The following STRN4 variants were observed in gnomAD, a reference collection of about 807,000 sequenced individuals.
STRN4 encodes striatin-4.
In STRN4, 27 loss-of-function variants were observed where a neutral mutation model predicts 77.9. That is an observed-to-expected ratio of 0.35 (90% CI 0.26 to 0.48). STRN4 has a LOEUF of 0.48. Ranked by LOEUF, STRN4 falls within the 20% of genes least tolerant of loss-of-function variation. STRN4 has a pLI of 0.99. For missense variants in STRN4, 798 were observed against 1,049.7 expected (o/e 0.76, Z 3.31); for synonymous variants, 466 against 443.1 (o/e 1.05, Z -0.65).
At chr19:46,722,626 C>T (rs2054007250) in intron 14 of STRN4, among the ~76,000 whole-genome samples, 184 bp downstream of exon 14, 2 of 152,244 alleles carry the variant, frequency 1.3e-5, no homozygotes, top group South Asian at 2.1e-4. Context: ...CACTCAGCCC[C>T]GCCAGTGCCC....
intron 4 of STRN4, among the ~76,000 whole-genome samples, chr19:46,735,426 C>G (rs1180416602): frequency 1.3e-5 from 2 of 151,888 alleles, no homozygotes; most frequent in Non-Finnish European, 2.9e-5. Context: ...GAGCTCAGAT[C>G]AAGCCTGCTG....
Position 46,738,090 on chromosome 19 carries a change from C to T in STRN4, c.460+74G>A. ...GGAGCAAAGTGAGAAAGAGGCACCC[C>T]ATCTTCCTGCTTCTCCAGAACACTC... On this transcript the variant is annotated intron_variant, in intron 3 of 17. Transcript: ENST00000263280. This position sits in a 1 kb window ranked among gnomAD's most constrained non-coding sequence, Gnocchi z 4.5. 1 of 1,449,356 alleles carries T rather than the reference C, an allele frequency of 6.9e-7. No homozygotes were observed. Among genetic ancestry groups the T allele is most frequent in the South Asian group, 1.1e-5 (1 of 87,684 alleles). The allele number at this position is 1,449,356 out of a possible 1,614,324, so 89.8% of individuals were successfully genotyped here.
At chr19:46,739,041 T>C (rs931061970) in intron 1 of STRN4, among the ~76,000 whole-genome samples, 153 bp from the exon 2 acceptor site, 22 of 152,110 alleles carry the variant, frequency 1.4e-4, no homozygotes, top group African/African-American at 5.1e-4. Context: ...CAAGCCAGGG[T>C]TCAGGGAGCA....
intron 5 of STRN4, 134 bp from the exon 6 acceptor site, chr19:46,731,007 C>A (rs1211504564): frequency 4.7e-6 from 6 of 1,271,380 alleles, no homozygotes; most frequent in Non-Finnish European, 6.5e-6. Flanking sequence ...AGCCTTGACT[C>A]TGGTCACACA....
chr19:46,721,778 G>C, intron 16 of STRN4: 1 of 563,474 alleles, frequency 1.8e-6, no homozygotes. Context: ...GCTGCTTAGA[G>C]GCCGAATGAG....
At chr19:46,728,305 T>C in intron 7 of STRN4, 1 of 587,864 alleles carries the variant, frequency 1.7e-6, no homozygotes, top group Non-Finnish European at 3.0e-6. Context: ...CCCACCTGCC[T>C]CTCCCCGACT....
At chr19:46,745,902 A>C in intron 1 of STRN4, 1 of 369,484 alleles carries the variant, frequency 2.7e-6, no homozygotes, top group Non-Finnish European at 4.7e-6. Context: ...GGTCCCGGTG[A>C]TCCCTCCCAC....
At position 46,720,625 on chromosome 19, in the gene STRN4, C is replaced by T; in HGVS notation, c.2239G>A (p.Ala747Thr). ...KALIASAGAD[A>T]LAKVFV ...CATCATACGAAGACCTTGGCCAGGG[C>T]ATCAGCGCCAGCACTGGCAATGAGG... The change falls in exon 17 of 18, where the codon GCC becomes ACC. Residue 747 changes from alanine to threonine, a missense_variant. Physicochemically the swap from Ala to Thr is moderately conservative, Grantham distance 58. Transcript: ENST00000263280. The T allele has an allele frequency of 6.3e-7, 1 of 1,597,886 alleles. No individual in the cohort carries two copies. The highest frequency in any genetic ancestry group is 8.5e-7 in the Non-Finnish European group (1 of 1,170,472).
intron 1 of STRN4, among the ~76,000 whole-genome samples, chr19:46,739,146 G>C (rs1255194445): frequency 1.3e-5 from 2 of 152,210 alleles, no homozygotes; most frequent in Non-Finnish European, 2.9e-5. Flanking sequence ...GATAACAATG[G>C]GGCCAGCCTG....
chr19:46,736,158 C>G (rs2054357583), intron 4 of STRN4: 1 of 151,654 alleles, frequency 6.6e-6, no homozygotes, highest in South Asian at 2.1e-4. Flanking sequence ...GCCTGTAATC[C>G]CAGCTACTCA....
chr19:46,728,859 CCG>C, intron 6 of STRN4, 82 bp from the exon 7 acceptor site: 3 of 1,559,982 alleles, frequency 1.9e-6, no homozygotes, highest in Non-Finnish European at 2.6e-6. Context: ...AACAGGTAAG[CCG>C]GGGCTCTGGG....
chr19:46,728,313 A>T (rs2054169351), intron 7 of STRN4: 2 of 588,062 alleles, frequency 3.4e-6, no homozygotes, highest in Non-Finnish European at 3.0e-6. Context: ...CCTCTCCCCG[A>T]CTGGGTCCTC....
chr19:46,733,462 G>GT lies in STRN4; in HGVS notation c.540-227dup, dbSNP rs1452626703. 5.6e-6 allele frequency: 3 copies of GT among 540,340 alleles called. No individual in the cohort carries two copies. The highest frequency in any genetic ancestry group is 3.8e-5 in the African/African-American group (2 of 52,456). The allele number at this position is 540,340 out of a possible 1,614,324, so 33.5% of individuals were successfully genotyped here. A position where few individuals can be genotyped will look rare whatever the true frequency, so the allele number is the denominator to read the frequency against. Reference sequence around the variant, plus strand: ...GTGTGAGGGTGCTCCCTGCACTGCTGTATGGGGAAGCCGAAGCACAGGGAC... The same window carrying GT: ...GTGTGAGGGTGCTCCCTGCACTGCTGTTATGGGGAAGCCGAAGCACAGGGAC... On this transcript the variant is annotated intron_variant, in intron 4 of 17. Transcript: ENST00000263280. The surrounding 1 kb of genome is among the most constrained non-coding windows in gnomAD (Gnocchi z 4.3).
intron 14 of STRN4, among the ~76,000 whole-genome samples, chr19:46,722,546 A>G (rs56796945): frequency 0.065 from 9,841 of 152,254 alleles, 433 homozygotes; most frequent in East Asian, 0.22. Context: ...GGGAAGAGGA[A>G]TAACAAACAT....
chr19:46,722,920 G>C lies in STRN4; in HGVS notation c.1796C>G (p.Thr599Ser), dbSNP rs375959219. The change falls in exon 14 of 18, where the codon ACC (threonine) becomes AGC (serine). Residue 599 changes from threonine to serine, a missense_variant. Transcript: ENST00000263280. ...EHGVPTSVAF[T>S]STEPAHIVAS... is the part of the protein sequence containing the mutation. ...CACGATGTGGGCAGGCTCGGTGCTG[G>C]TGAAGGCCACTGAGGTGGGGACCCC... is the stretch of plus-strand genomic sequence containing the variant. 1 of 1,613,976 alleles carries C rather than the reference G, an allele frequency of 6.2e-7. No homozygotes were observed. The highest frequency in any genetic ancestry group is 1.7e-5 in the Admixed American group (1 of 60,028).
chr19:46,733,690 G>A lies in STRN4; in HGVS notation c.540-454C>T, dbSNP rs73565192. The A allele has an allele frequency of 2.6e-3, 421 of 159,898 alleles. 3 individuals are homozygous for A. The highest frequency in any genetic ancestry group is 8.6e-3 in the African/African-American group (360 of 41,648). The allele number at this position is 159,898 out of a possible 1,614,324, so 9.9% of individuals were successfully genotyped here. ...AATGTGCATAAAGCTTACACCACACGCAAACACACGTTTGTATTATGTCCC... is the reference window on the plus strand; with the variant it reads ...AATGTGCATAAAGCTTACACCACACACAAACACACGTTTGTATTATGTCCC... On this transcript the variant is annotated intron_variant, in intron 4 of 17. Coordinates refer to ENST00000263280, the MANE Select transcript of STRN4 (RefSeq NM_013403.3). The surrounding 1 kb of genome is among the most constrained non-coding windows in gnomAD (Gnocchi z 4.3).
chr19:46,739,183 G>A (rs1006889641), intron 1 of STRN4: 24 of 417,566 alleles, frequency 5.7e-5, no homozygotes, highest in Non-Finnish European at 4.5e-6. Context: ...TGCCTTTGGG[G>A]GGAAGTCGGG....
In STRN4 at chr19:46,729,290, C is replaced by G. The variant is rs555459087; in HGVS notation, c.880-513G>C. Among the ~76,000 whole-genome samples, 44 of 152,326 alleles carry G rather than the reference C, an allele frequency of 2.9e-4. 2 individuals carry two copies. The South Asian group carries it at 8.5e-3, about 29-fold the overall frequency. The stretch of plus-strand genomic sequence containing the variant: ...ACCCTGCGAACAGCTACCGTGAACA[C>G]TGTCATTATCATTCCCACATTACAG... On this transcript the variant is annotated intron_variant, in intron 6 of 17. Coordinates refer to ENST00000263280, the MANE Select transcript of STRN4 (RefSeq NM_013403.3).
At chr19:46,722,973 G>A (rs936365090) in intron 13 of STRN4, 23 bp from the exon 14 acceptor site, 2 of 1,612,674 alleles carry the variant, frequency 1.2e-6, no homozygotes, top group Non-Finnish European at 1.7e-6. Context: ...GGAAGAGAAG[G>A]CTGCTGAATG....
Sources: allele counts gnomAD v4.1 joint callset (sites outside exome capture counted in the v4.1 genomes callset), GRCh38; gene constraint gnomAD v4.1.1; non-coding constraint Gnocchi (gnomAD v3.1); transcripts MANE v1.5; gene names NCBI Gene and HGNC (gene_info 2026-07-23, HGNC 2026-07-21).